The following HS3ST4 variants were observed in gnomAD, a reference collection of about 807,000 sequenced individuals.
HS3ST4 encodes the protein heparan sulfate glucosamine 3-O-sulfotransferase 4.
A neutral mutation model predicts 29.2 loss-of-function variants in HS3ST4; 17 were observed. That is an observed-to-expected ratio of 0.58 (90% confidence interval 0.40 to 0.87). HS3ST4 has a LOEUF of 0.87. Ranked by LOEUF, HS3ST4 falls within the 40% of genes least tolerant of loss-of-function variation. HS3ST4 has a pLI of 0.00. For missense variants in HS3ST4, 627 were observed against 634.5 expected, an observed-to-expected ratio of 0.99 and a Z score of 0.13; for synonymous variants, 314 against 285.7, an observed-to-expected ratio of 1.10 and a Z score of -1.00.
At chr16:26,018,082 C>G (rs1969377426) in intron 1 of HS3ST4, among the ~76,000 whole-genome samples, 1 of 152,234 alleles carries the variant, frequency 6.6e-6, no homozygotes, top group African/African-American at 2.4e-5. Context: ...TATCACACTG[C>G]ATCCCATGTC....
intron 1 of HS3ST4, among the ~76,000 whole-genome samples, chr16:25,766,959 C>T (rs1222308407): frequency 6.6e-6 from 1 of 152,106 alleles, no homozygotes; most frequent in African/African-American, 2.4e-5. Context: ...ATCCTGCATT[C>T]TTTTGACTTC....
intron 1 of HS3ST4, among the ~76,000 whole-genome samples, chr16:25,971,870 G>T (rs1968902112): frequency 6.6e-6 from 1 of 152,168 alleles, no homozygotes. Context: ...GGCAGAGGTT[G>T]CAGTGAGCCA....
At chr16:25,901,741 AG>A in intron 1 of HS3ST4, among the ~76,000 whole-genome samples, 1 of 152,258 alleles carries the variant, frequency 6.6e-6, no homozygotes, top group Middle Eastern at 3.4e-3. Context: ...GAGCTGTTTC[AG>A]CCCCTCTTTC....
At chr16:25,727,170 G>C (rs1177990633) in intron 1 of HS3ST4, among the ~76,000 whole-genome samples, 1 of 151,978 alleles carries the variant, frequency 6.6e-6, no homozygotes, top group Non-Finnish European at 1.5e-5. Context: ...CAATTGTCTA[G>C]CAAAAAGGAC....
intron 1 of HS3ST4, among the ~76,000 whole-genome samples, chr16:25,945,522 T>A (rs775645480): frequency 3.3e-5 from 5 of 152,184 alleles, no homozygotes; most frequent in Non-Finnish European, 7.4e-5. Flanking sequence ...TAATAATTGC[T>A]GCATCACAGT....
At chr16:25,789,440 TTCCTTCCTTCCTTCCTTCCTTCCTTCC>T (rs879346866) in intron 1 of HS3ST4, among the ~76,000 whole-genome samples, 27,227 of 113,136 alleles carry the variant, frequency 0.24, 3,713 homozygotes, top group Non-Finnish European at 0.26. Context: ...CCTTCCTTCC[TTCCTTCCTTCCTTCCTTCCTTCCTTCC>T]TTCTTTCTTT....
chr16:25,817,687 A>G (rs1233916140), intron 1 of HS3ST4, among the ~76,000 whole-genome samples: 2 of 152,144 alleles, frequency 1.3e-5, no homozygotes, highest in African/African-American at 4.8e-5. Context: ...ATATTTTGCA[A>G]TCTGTTCTGT....
intron 1 of HS3ST4, among the ~76,000 whole-genome samples, chr16:26,063,625 G>T (rs1437791414): frequency 1.3e-5 from 2 of 152,112 alleles, no homozygotes; most frequent in Non-Finnish European, 2.9e-5. Flanking sequence ...GAGCCTAGGA[G>T]TTTGAGGCTG....
intron 1 of HS3ST4, among the ~76,000 whole-genome samples, chr16:25,845,483 T>G (rs1015310740): frequency 2.6e-5 from 4 of 152,144 alleles, no homozygotes; most frequent in Non-Finnish European, 5.9e-5. Flanking sequence ...CACTTCAGCC[T>G]GGGCGACAGA....
At chr16:26,047,722 C>T (rs1898287297) in intron 1 of HS3ST4, among the ~76,000 whole-genome samples, 1 of 152,192 alleles carries the variant, frequency 6.6e-6, no homozygotes, top group Admixed American at 6.5e-5. Flanking sequence ...ATTCCTTGTA[C>T]TTAATTCAAT....
At chr16:26,011,388 C>T (rs1054047666) in intron 1 of HS3ST4, among the ~76,000 whole-genome samples, 6 of 151,560 alleles carry the variant, frequency 4.0e-5, no homozygotes, top group Admixed American at 1.3e-4. Flanking sequence ...GGTGAAACCC[C>T]GTCTCTACTA....
chr16:25,761,378 A>G (rs1966787769), intron 1 of HS3ST4, among the ~76,000 whole-genome samples: 1 of 152,182 alleles, frequency 6.6e-6, no homozygotes, highest in Non-Finnish European at 1.5e-5. Flanking sequence ...AGTGTGACTG[A>G]GAGTTGACTT....
Position 25,828,298 on chromosome 16 carries a change from T to TCTCTCTCTCTC in HS3ST4, c.734+135147_734+135148insCTCTCTCTCTC, listed in dbSNP as rs1567249508. On this transcript the variant is annotated intron_variant, in intron 1 of 1. Coordinates refer to ENST00000331351, the MANE Select transcript of HS3ST4 (RefSeq NM_006040.3). ...TTTCTTTCTTTCTTTCTTTCTTTCTTTCCCTCTCTCTCTCTCTCTCTCTCT... is the reference window on the plus strand; with the variant it reads ...TTTCTTTCTTTCTTTCTTTCTTTCTTCTCTCTCTCTCTCCCTCTCTCTCTCTCTCTCTCTCT... Among the ~76,000 whole-genome samples, 7 of 27,884 alleles carry TCTCTCTCTCTC rather than the reference T, an allele frequency of 2.5e-4. 1 individual carries two copies. The highest frequency in any genetic ancestry group is 4.0e-4 in the Admixed American group (1 of 2,470). The allele number at this position is 27,884 out of a possible 152,430, so 18.3% of individuals were successfully genotyped here. A position where few individuals can be genotyped will look rare whatever the true frequency, so the allele number is the denominator to read the frequency against.
intron 1 of HS3ST4, among the ~76,000 whole-genome samples, chr16:26,001,459 C>A (rs1596640598): frequency 6.6e-6 from 1 of 151,572 alleles, no homozygotes; most frequent in East Asian, 1.9e-4. Flanking sequence ...TGCAACCTTT[C>A]TGTAAGTTTG....
intron 1 of HS3ST4, among the ~76,000 whole-genome samples, chr16:25,705,376 G>A (rs889087960): frequency 1.3e-5 from 2 of 152,096 alleles, no homozygotes; most frequent in African/African-American, 4.8e-5. Flanking sequence ...ATTTTGAAAA[G>A]GAAGCTGGGC....
At chr16:25,800,197 A>G (rs1478526887) in intron 1 of HS3ST4, among the ~76,000 whole-genome samples, 3 of 152,024 alleles carry the variant, frequency 2.0e-5, no homozygotes, top group Admixed American at 1.3e-4. Context: ...TTTATTTGAT[A>G]AGTAGAAATA....
intron 1 of HS3ST4, among the ~76,000 whole-genome samples, chr16:25,707,748 T>C (rs1414723292): frequency 6.6e-6 from 1 of 152,240 alleles, no homozygotes; most frequent in Non-Finnish European, 1.5e-5. Flanking sequence ...CTCCTTGCTG[T>C]ACCTGAGAAG....
chr16:26,077,599 C>T (rs527240144), intron 1 of HS3ST4, among the ~76,000 whole-genome samples: 5 of 152,294 alleles, frequency 3.3e-5, no homozygotes, highest in African/African-American at 1.2e-4. Flanking sequence ...AATATCAGCT[C>T]CATGAAAGCA....
chr16:25,863,684 G>A (rs947246827), intron 1 of HS3ST4, among the ~76,000 whole-genome samples: 3 of 149,806 alleles, frequency 2.0e-5, no homozygotes, highest in Non-Finnish European at 4.4e-5. Context: ...TATGTGTTGT[G>A]TGTGTGTATG....
Sources: gnomAD v4.1 joint callset for allele counts (sites outside exome capture counted in the v4.1 genomes callset) on GRCh38, gnomAD v4.1.1 for gene constraint, MANE v1.5 for transcripts, NCBI Gene and HGNC (gene_info 2026-07-23, HGNC 2026-07-21) for gene names.